Variants in CISD1 observed in about 807,000 individuals in gnomAD.
CISD1 encodes CDGSH iron sulfur domain 1, also known as CDGSH iron-sulfur domain-containing protein 1.
Under a neutral mutation model 12.0 loss-of-function variants are expected in CISD1, and 8 were observed. That is an observed-to-expected ratio of 0.67 (90% CI 0.39 to 1.20). CISD1 has a LOEUF of 1.20. Ranked by LOEUF, CISD1 falls within the 50% of genes most tolerant of loss-of-function variation. CISD1 has a pLI of 0.01. For missense variants in CISD1, 107 were observed against 132.7 expected, an observed-to-expected ratio of 0.81 and a Z score of 0.95; for synonymous variants, 38 against 42.2, an observed-to-expected ratio of 0.90 and a Z score of 0.39.
intron 1 of CISD1, among the ~76,000 whole-genome samples, chr10:58,275,573 T>G (rs1839303318): frequency 1.3e-5 from 2 of 152,240 alleles, no homozygotes; most frequent in South Asian, 4.1e-4. Context: ...GACGAAACAT[T>G]AGTGTTTATT....
At chr10:58,273,900 G>A (rs1473224486) in intron 1 of CISD1, among the ~76,000 whole-genome samples, 2 of 152,190 alleles carry the variant, frequency 1.3e-5, no homozygotes, top group Admixed American at 6.5e-5. Flanking sequence ...TTGGGAGGCC[G>A]AGGCAGGCGG....
intron 2 of CISD1, 96 bp downstream of exon 2, chr10:58,277,418 A>G: frequency 1.1e-6 from 1 of 885,466 alleles, no homozygotes; most frequent in Non-Finnish European, 1.7e-6. Flanking sequence ...TTGTTATGAT[A>G]TCCCTTTTTT....
intron 2 of CISD1, 78 bp from the exon 3 acceptor site, chr10:58,287,483 A>G (rs980171486): frequency 9.4e-6 from 9 of 960,474 alleles, no homozygotes; most frequent in Non-Finnish European, 1.4e-5. Context: ...TATATGAATT[A>G]AGCATCACCT....
At chr10:58,277,575 G>C (rs1311691352) in intron 2 of CISD1, among the ~76,000 whole-genome samples, 2 of 149,488 alleles carry the variant, frequency 1.3e-5, no homozygotes, top group African/African-American at 5.0e-5. Context: ...GAGCCACCAC[G>C]TGTGACCTGT....
rs576848056 is a variant in CISD1, at chr10:58,283,428, G to C, written c.238-4133G>C. On this transcript the variant is annotated intron_variant, in intron 2 of 2. Coordinates refer to ENST00000333926, the MANE Select transcript of CISD1 (RefSeq NM_018464.5). ...TCAAAAATCTCATTACTTCGTTTTC[G>C]TTCTCAACCAAAGCAAGCATATTTT... Among the ~76,000 whole-genome samples the C allele has an allele frequency of 2.6e-5, 4 of 152,174 alleles. No individual in the cohort carries two copies. The South Asian group carries it at 8.3e-4, about 32-fold the overall frequency.
At position 58,277,275 on chromosome 10, in the gene CISD1, G is replaced by A. The variant is rs1839325895; in HGVS notation, c.190G>A (p.Asp64Asn). Residue 64 changes from aspartate (D) to asparagine (N), a missense_variant, in exon 2 of 3, where the codon GAT (aspartate) becomes AAT (asparagine). By Grantham distance (23) the Asp-to-Asn change is conservative (BLOSUM62 1). Transcript: ENST00000333926. ...GATAGTACATGCTTTTGACATGGAG[G>A]ATTTGGGAGATAAAGCTGTGTACTG... ...PKIVHAFDME[D>N]LGDKAVYCRC... 1.9e-6 allele frequency: 3 copies of A among 1,610,396 alleles called. No homozygotes were observed. Among genetic ancestry groups the A allele is most frequent in the Admixed American group, 1.7e-5 (1 of 59,318 alleles).
intron 1 of CISD1, 64 bp downstream of exon 1, chr10:58,269,368 G>T (rs1308317947): frequency 1.3e-6 from 2 of 1,494,126 alleles, no homozygotes; most frequent in South Asian, 1.2e-5. Flanking sequence ...CCCGCAGTTC[G>T]ACTGGGTTGT....
At chr10:58,279,815 T>C (rs1839354648) in intron 2 of CISD1, among the ~76,000 whole-genome samples, 1 of 152,078 alleles carries the variant, frequency 6.6e-6, no homozygotes, top group South Asian at 2.1e-4. Flanking sequence ...GTGGTCTAAA[T>C]AAATGGAAGC....
chr10:58,281,984 G>A (rs1238538488), intron 2 of CISD1, among the ~76,000 whole-genome samples: 4 of 148,626 alleles, frequency 2.7e-5, no homozygotes, highest in Non-Finnish European at 5.9e-5. Flanking sequence ...TTTTTCTTGA[G>A]AGAGTCTCAC....
intron 2 of CISD1, chr10:58,282,960 A>G (rs1465119594): frequency 1.3e-5 from 2 of 152,236 alleles, no homozygotes; most frequent in Non-Finnish European, 2.9e-5. Flanking sequence ...AAACAAGGAC[A>G]GCAAAAGAAT....
chr10:58,280,575 C>T (rs866918494), intron 2 of CISD1, among the ~76,000 whole-genome samples: 1 of 152,098 alleles, frequency 6.6e-6, no homozygotes, highest in Non-Finnish European at 1.5e-5. Flanking sequence ...GCAGACAACA[C>T]GAAATGTGAG....
intron 2 of CISD1, among the ~76,000 whole-genome samples, chr10:58,287,279 G>A (rs1303742534): frequency 6.6e-6 from 1 of 152,104 alleles, no homozygotes; most frequent in Non-Finnish European, 1.5e-5. Context: ...CAATGGACAT[G>A]TTCACTAGAA....
intron 2 of CISD1, among the ~76,000 whole-genome samples, chr10:58,277,704 C>T (rs541818858): frequency 4.0e-5 from 6 of 151,542 alleles, no homozygotes; most frequent in East Asian, 3.9e-4. Flanking sequence ...AGTAGAATTA[C>T]GTTGTACCCT....
chr10:58,278,687 A>G (rs1839342184), intron 2 of CISD1, among the ~76,000 whole-genome samples: 1 of 152,224 alleles, frequency 6.6e-6, no homozygotes, highest in Non-Finnish European at 1.5e-5. Flanking sequence ...CTTGTCACAA[A>G]TATGGAAGAA....
chr10:58,277,469 G>A (rs1839328124), intron 2 of CISD1, 147 bp downstream of exon 2: 1 of 599,316 alleles, frequency 1.7e-6, no homozygotes, highest in East Asian at 3.2e-5. Flanking sequence ...ATCCAGGCTG[G>A]AGTGCAGTGG....
intron 2 of CISD1, among the ~76,000 whole-genome samples, chr10:58,286,115 G>A (rs1309801553): frequency 1.3e-5 from 2 of 151,196 alleles, no homozygotes; most frequent in Non-Finnish European, 2.9e-5. Flanking sequence ...TGAGGCAGGA[G>A]AATGGCGTGA....
intron 1 of CISD1, among the ~76,000 whole-genome samples, chr10:58,269,929 C>T (rs1190386364): frequency 6.6e-6 from 1 of 152,106 alleles, no homozygotes; most frequent in Non-Finnish European, 1.5e-5. Context: ...TGTGCTAGTA[C>T]CTAGCGTTTG....
chr10:58,276,643 A>G (rs1385310254), intron 1 of CISD1, among the ~76,000 whole-genome samples: 1 of 151,698 alleles, frequency 6.6e-6, no homozygotes, highest in East Asian at 1.9e-4. Context: ...AAATTAAATA[A>G]TTTAAAAATC....
At chr10:58,273,075 T>G (rs1839267497) in intron 1 of CISD1, among the ~76,000 whole-genome samples, 1 of 152,186 alleles carries the variant, frequency 6.6e-6, no homozygotes. Flanking sequence ...GCTTCTTATA[T>G]ATACCTGAAG....
Sources: allele counts gnomAD v4.1 joint callset (sites outside exome capture counted in the v4.1 genomes callset), GRCh38; gene constraint gnomAD v4.1.1; transcripts MANE v1.5; gene names NCBI Gene and HGNC (gene_info 2026-07-23, HGNC 2026-07-21).